Variants in CHRM2 observed in about 807,000 individuals in gnomAD.
CHRM2 encodes the protein muscarinic acetylcholine receptor M2.
Under a neutral mutation model 25.0 loss-of-function variants are expected in CHRM2, and 8 were observed. That is an observed-to-expected ratio of 0.32 (90% CI 0.19 to 0.58). CHRM2 has a LOEUF of 0.58. CHRM2 is among the 20% of genes least tolerant of loss of function. The probability of loss-of-function intolerance (pLI) is 0.88; values close to 1 mark genes in which losing one functional copy is unlikely to be tolerated. For synonymous variants in CHRM2, 202 were observed against 205.7 expected (o/e 0.98, Z 0.15); for missense variants, 440 against 567.1 (o/e 0.78, Z 2.28).
At chr7:136,917,399 A>C (rs751272595) in intron 2 of CHRM2, among the ~76,000 whole-genome samples, 1 of 151,964 alleles carries the variant, frequency 6.6e-6, no homozygotes, top group Non-Finnish European at 1.5e-5. Flanking sequence ...CTGTTGGTTC[A>C]TAACAGTGTG....
chr7:136,976,522 G>T (rs1802114500), intron 2 of CHRM2, among the ~76,000 whole-genome samples: 2 of 152,124 alleles, frequency 1.3e-5, no homozygotes, highest in Non-Finnish European at 2.9e-5. Flanking sequence ...GCAAGTAACA[G>T]AAATAGAACA....
At chr7:136,905,681 A>G (rs1257612771) in intron 2 of CHRM2, among the ~76,000 whole-genome samples, 1 of 151,316 alleles carries the variant, frequency 6.6e-6, no homozygotes, top group Admixed American at 6.6e-5. Flanking sequence ...TTATTTATTT[A>G]TTTATTTTGA....
intron 2 of CHRM2, among the ~76,000 whole-genome samples, chr7:136,883,998 T>C (rs1481287517): frequency 1.3e-5 from 2 of 152,194 alleles, no homozygotes; most frequent in Non-Finnish European, 2.9e-5. Flanking sequence ...GAATTGCCTG[T>C]AAATGATTAG....
chr7:136,938,235 CT>C, intron 2 of CHRM2: 1 of 788,454 alleles, frequency 1.3e-6, no homozygotes, highest in Non-Finnish European at 2.3e-6. Context: ...GTTACTGAAT[CT>C]TTAGCTAATG....
At chr7:136,935,537 T>C (rs1048891438) in intron 2 of CHRM2, among the ~76,000 whole-genome samples, 5 of 152,198 alleles carry the variant, frequency 3.3e-5, no homozygotes, top group Non-Finnish European at 5.9e-5. Context: ...ACAAATTGTC[T>C]TGAACTCGAA....
At chr7:136,965,111 TGTG>T (rs1346969585) in intron 2 of CHRM2, among the ~76,000 whole-genome samples, 2 of 152,122 alleles carry the variant, frequency 1.3e-5, no homozygotes, top group Non-Finnish European at 2.9e-5. Context: ...ACATGTATAT[TGTG>T]GTGAGCTTTA....
At chr7:137,001,774 G>A (rs1182238961) in intron 3 of CHRM2, among the ~76,000 whole-genome samples, 1 of 152,140 alleles carries the variant, frequency 6.6e-6, no homozygotes, top group Non-Finnish European at 1.5e-5. Flanking sequence ...AGGATGACAA[G>A]GCTGTGTCTC....
chr7:137,006,610 C>T (rs1804444148), intron 3 of CHRM2, among the ~76,000 whole-genome samples: 1 of 152,018 alleles, frequency 6.6e-6, no homozygotes, highest in Admixed American at 6.6e-5. Context: ...GATCAGTTTG[C>T]TTTATCAGCT....
intron 3 of CHRM2, among the ~76,000 whole-genome samples, chr7:137,003,496 A>T (rs879768508): frequency 0.07 from 3,382 of 48,204 alleles, 100 homozygotes; most frequent in African/African-American, 0.14. Context: ...ACACACACAC[A>T]CACACACACA....
chr7:136,887,336 C>CAA (rs5887813), intron 2 of CHRM2, among the ~76,000 whole-genome samples: 304 of 150,212 alleles, frequency 2.0e-3, no homozygotes, highest in South Asian at 9.5e-3. Flanking sequence ...TCGCTTTTCA[C>CAA]AAAAAAAAAA....
At position 136,981,897 on chromosome 7, in the gene CHRM2, T is replaced by C. The variant is rs547831899; in HGVS notation, c.-124-10290T>C. Among the ~76,000 whole-genome samples, 335 of 152,288 alleles carry C rather than the reference T, an allele frequency of 2.2e-3. 3 individuals are homozygous for C. The highest frequency in any genetic ancestry group is 7.7e-3 in the African/African-American group (320 of 41,570). Reference sequence around the variant, plus strand: ...GTGGTCAATTTCAGAATAGGTGTGATGTGGTGCGGAGAAGAAAGTATATTC... The same window carrying C: ...GTGGTCAATTTCAGAATAGGTGTGACGTGGTGCGGAGAAGAAAGTATATTC... On this transcript the variant is annotated intron_variant, in intron 2 of 3. Coordinates refer to ENST00000680005, the MANE Select transcript of CHRM2 (RefSeq NM_001006630.2).
intron 2 of CHRM2, among the ~76,000 whole-genome samples, chr7:136,970,339 CTTTA>C (rs1801680189): frequency 1.3e-5 from 2 of 152,182 alleles, no homozygotes; most frequent in African/African-American, 2.4e-5. Flanking sequence ...TTTATTCACA[CTTTA>C]TTTATGATAG....
chr7:136,899,798 A>G (rs2130610168), intron 2 of CHRM2: 1 of 152,188 alleles, frequency 6.6e-6, no homozygotes, highest in Middle Eastern at 3.4e-3. Flanking sequence ...TTTTTGAGAA[A>G]ATCAGGATCT....
chr7:136,967,216 C>A (rs913841030), intron 2 of CHRM2, among the ~76,000 whole-genome samples: 2 of 151,956 alleles, frequency 1.3e-5, no homozygotes, highest in Non-Finnish European at 1.5e-5. Context: ...GCAGCTCAAA[C>A]CTGATTGAGC....
chr7:136,979,061 C>A (rs934244662), intron 2 of CHRM2, among the ~76,000 whole-genome samples: 4 of 152,150 alleles, frequency 2.6e-5, no homozygotes, highest in African/African-American at 7.2e-5. Context: ...ATTTATACTC[C>A]CACAAACAGC....
intron 2 of CHRM2, among the ~76,000 whole-genome samples, chr7:136,905,706 C>CT: frequency 6.6e-6 from 1 of 151,406 alleles, no homozygotes. Context: ...CCAGTCTCTG[C>CT]TTTTAAATTG....
At chr7:136,967,544 G>A (rs906229049) in intron 2 of CHRM2, among the ~76,000 whole-genome samples, 1 of 151,992 alleles carries the variant, frequency 6.6e-6, no homozygotes, top group South Asian at 2.1e-4. Context: ...TTCTCATAAA[G>A]AAAAGTTGAG....
intron 2 of CHRM2, chr7:136,870,416 T>A (rs1237171952): frequency 6.6e-6 from 1 of 152,464 alleles, no homozygotes; most frequent in East Asian, 1.9e-4. Flanking sequence ...ACGGGGTAAG[T>A]AGAGACTCAT....
chr7:136,900,963 A>G (rs1338672358), intron 2 of CHRM2, among the ~76,000 whole-genome samples: 1 of 152,076 alleles, frequency 6.6e-6, no homozygotes, highest in Non-Finnish European at 1.5e-5. Flanking sequence ...TTGAGCTCCA[A>G]TCAAGGCATG....
Sources: allele counts gnomAD v4.1 joint callset (sites outside exome capture counted in the v4.1 genomes callset), GRCh38; gene constraint gnomAD v4.1.1; transcripts MANE v1.5; gene names NCBI Gene and HGNC (gene_info 2026-07-23, HGNC 2026-07-21).